The following FMN2 variants were observed in gnomAD, a reference collection of about 807,000 sequenced individuals.
FMN2 encodes the protein formin-2.
Under a neutral mutation model 142.3 loss-of-function variants are expected in FMN2, and 51 were observed. The ratio of observed to expected loss-of-function variants is 0.36; its 90% CI spans 0.29 to 0.45. The LOEUF (loss-of-function observed/expected upper bound fraction) is 0.45. Among genes scored for constraint, FMN2 ranks in the 20% least tolerant of loss-of-function variants. FMN2 has a pLI of 1.00. For synonymous variants in FMN2, 882 were observed against 869.8 expected (o/e 1.01, Z -0.25); for missense variants, 1,936 against 2,122.8 (o/e 0.91, Z 1.73).
chr1:240,361,141 GTATATATATATATATATATATATATA>G lies in FMN2; in HGVS notation c.4858+5252_4858+5277del, dbSNP rs202070560. ...ATAATAATAATAAATAAATATATGT[GTATATATATATATATATATATATATA>G]TATATATATATATATATAAAAGAGT... On this transcript the variant is annotated intron_variant, in intron 14 of 17. Transcript: ENST00000319653. Among the ~76,000 whole-genome samples, 59 of 43,246 alleles carry G rather than the reference GTATATATATATATATATATATATATA, an allele frequency of 1.4e-3. 2 individuals are homozygous for G. The highest frequency in any genetic ancestry group is 0.011 in the East Asian group (13 of 1,190). The allele number at this position is 43,246 out of a possible 152,430, so 28.4% of individuals were successfully genotyped here.
intron 2 of FMN2, chr1:240,143,138 A>G: frequency 1.9e-6 from 3 of 1,571,036 alleles, no homozygotes; most frequent in Non-Finnish European, 2.6e-6. Context: ...GGTCCTTGGC[A>G]TGATATTGAG....
At chr1:240,301,497 G>A (rs552872156) in intron 8 of FMN2, among the ~76,000 whole-genome samples, 17 of 151,486 alleles carry the variant, frequency 1.1e-4, no homozygotes, top group East Asian at 1.9e-4. Context: ...ATTTTATATC[G>A]TTTTTCTTTA....
chr1:240,253,199 G>A (rs1668341401), intron 6 of FMN2, among the ~76,000 whole-genome samples: 1 of 151,858 alleles, frequency 6.6e-6, no homozygotes, highest in African/African-American at 2.4e-5. Context: ...TCAATCTCCT[G>A]ACCTCATTAT....
At position 240,099,552 on chromosome 1, in the gene FMN2, A is replaced by C. The variant is rs1661342148; in HGVS notation, c.1615+5828A>C. Among the ~76,000 whole-genome samples the C allele has an allele frequency of 2.6e-5, 4 of 152,092 alleles. No homozygotes were observed. In the South Asian group the frequency reaches 8.3e-4, roughly 32 times the overall value. On this transcript the variant is annotated intron_variant, in intron 1 of 17. Coordinates refer to ENST00000319653, the MANE Select transcript of FMN2 (RefSeq NM_020066.5). ...CACAGCATCTGGCTGCAAACCCCTG[A>C]CTTTGCAGCTTTACCTTCCCACGGT...
At chr1:240,135,749 G>A (rs1000239186) in intron 2 of FMN2, among the ~76,000 whole-genome samples, 2 of 149,582 alleles carry the variant, frequency 1.3e-5, no homozygotes, top group South Asian at 2.1e-4. Context: ...GTGCGATCTC[G>A]GCTCACTGCA....
intron 6 of FMN2, among the ~76,000 whole-genome samples, chr1:240,233,124 T>C (rs1314245899): frequency 6.6e-6 from 1 of 152,218 alleles, no homozygotes; most frequent in Admixed American, 6.5e-5. Flanking sequence ...CTCACTCCTG[T>C]AATCCCAGCA....
intron 14 of FMN2, among the ~76,000 whole-genome samples, chr1:240,376,826 TATA>T (rs1673062775): frequency 6.6e-6 from 1 of 152,148 alleles, no homozygotes. Flanking sequence ...GCTTATATGT[TATA>T]CATCTTTGTT....
At chr1:240,359,590 T>G (rs1672392730) in intron 14 of FMN2, among the ~76,000 whole-genome samples, 1 of 152,206 alleles carries the variant, frequency 6.6e-6, no homozygotes, top group African/African-American at 2.4e-5. Flanking sequence ...TTTCCCTCCC[T>G]ATCTTCCTAG....
chr1:240,310,002 A>G (rs932868756), intron 8 of FMN2, among the ~76,000 whole-genome samples: 1 of 152,196 alleles, frequency 6.6e-6, no homozygotes, highest in African/African-American at 2.4e-5. Flanking sequence ...AAATCTTTCC[A>G]ACTTTATCAT....
At position 240,151,827 on chromosome 1, in the gene FMN2, T is replaced by G. The variant is rs1663789439; in HGVS notation, c.1783-26094T>G. On this transcript the variant is annotated intron_variant, in intron 2 of 17. Coordinates refer to ENST00000319653, the MANE Select transcript of FMN2 (RefSeq NM_020066.5). The stretch of plus-strand genomic sequence containing the variant: ...TGTTGTCCAGACTGGAGTGCAATGC[T>G]GCGATCATAGCTCACTGCAGCCACA... Among the ~76,000 whole-genome samples, 3 of 152,132 alleles carry G rather than the reference T, an allele frequency of 2.0e-5. No homozygotes were observed. In the South Asian group the frequency reaches 6.2e-4, roughly 32 times the overall value.
chr1:240,258,066 A>G, intron 7 of FMN2, 34 bp downstream of exon 7: 1 of 1,540,958 alleles, frequency 6.5e-7, no homozygotes. Flanking sequence ...GCTTCTGAAT[A>G]TTAAAATTTG....
intron 2 of FMN2, among the ~76,000 whole-genome samples, chr1:240,125,430 C>T (rs1191563676): frequency 2.0e-5 from 3 of 152,188 alleles, no homozygotes; most frequent in East Asian, 3.9e-4. Flanking sequence ...TTCCTCCCTT[C>T]TCTTGTATGA....
chr1:240,363,422 T>C (rs995429994), intron 14 of FMN2, among the ~76,000 whole-genome samples: 3 of 152,228 alleles, frequency 2.0e-5, no homozygotes, highest in African/African-American at 7.2e-5. Flanking sequence ...ATTTTTAAAT[T>C]TCCCTTTTGG....
At chr1:240,236,960 G>C (rs928574879) in intron 6 of FMN2, among the ~76,000 whole-genome samples, 1 of 152,198 alleles carries the variant, frequency 6.6e-6, no homozygotes, top group African/African-American at 2.4e-5. Context: ...TTTTATGGAA[G>C]TGCCTTTACA....
At chr1:240,332,705 G>C (rs987987972) in intron 11 of FMN2, among the ~76,000 whole-genome samples, 5 of 152,110 alleles carry the variant, frequency 3.3e-5, no homozygotes, top group Non-Finnish European at 5.9e-5. Flanking sequence ...CTTGTACTCA[G>C]AAGAGCTATA....
At chr1:240,277,036 C>A (rs1669239023) in intron 7 of FMN2, among the ~76,000 whole-genome samples, 2 of 152,158 alleles carry the variant, frequency 1.3e-5, no homozygotes, top group Non-Finnish European at 2.9e-5. Flanking sequence ...ATCCTTGATC[C>A]TGTTAAATGT....
chr1:240,302,471 A>G (rs1670233319), intron 8 of FMN2, among the ~76,000 whole-genome samples: 1 of 152,104 alleles, frequency 6.6e-6, no homozygotes, highest in Non-Finnish European at 1.5e-5. Flanking sequence ...CAATAAATAC[A>G]AGAAAAAGTG....
intron 13 of FMN2, among the ~76,000 whole-genome samples, chr1:240,353,061 G>T (rs2068307): frequency 0.6 from 91,541 of 151,524 alleles, 29,756 homozygotes; most frequent in African/African-American, 0.87. Flanking sequence ...TTCTACTCAT[G>T]CAACTTCCTC....
intron 14 of FMN2, among the ~76,000 whole-genome samples, chr1:240,358,857 C>T (rs539147628): frequency 2.0e-4 from 30 of 152,280 alleles, no homozygotes; most frequent in Middle Eastern, 3.4e-3. Flanking sequence ...ATTTTTAAGG[C>T]CAGGCCCAGT....
Sources: allele counts gnomAD v4.1 joint callset (sites outside exome capture counted in the v4.1 genomes callset), GRCh38; gene constraint gnomAD v4.1.1; transcripts MANE v1.5; gene names NCBI Gene and HGNC (gene_info 2026-07-23, HGNC 2026-07-21).